The following FBXW4 variants were observed in gnomAD, a reference collection of about 807,000 sequenced individuals.
FBXW4 encodes F-box and WD repeat domain containing 4.
FBXW4 carries 40 observed loss-of-function variants against 61.8 expected under a neutral mutation model. That is an observed-to-expected ratio of 0.65 (90% CI 0.50 to 0.84). The LOEUF is 0.84. Ranked by LOEUF, FBXW4 falls within the 40% of genes least tolerant of loss-of-function variation. The probability of loss-of-function intolerance (pLI) is 0.00; values close to 1 mark genes in which losing one functional copy is unlikely to be tolerated. For synonymous variants in FBXW4, 311 were observed against 313.8 expected, an observed-to-expected ratio of 0.99 and a Z score of 0.10; for missense variants, 672 against 753.8, an observed-to-expected ratio of 0.89 and a Z score of 1.27.
Position 101,673,633 on chromosome 10 carries a change from T to C in FBXW4, c.862A>G (p.Ile288Val), listed in dbSNP as rs138269434. 8.1e-6 allele frequency: 13 copies of C among 1,614,004 alleles called. No individual in the cohort carries two copies. The African/African-American group carries it at 1.2e-4, about 15-fold the overall frequency. Residue 288 changes from isoleucine (I) to valine (V), a missense_variant, in exon 3 of 9, where the codon ATA becomes GTA. This residue lies in a region of FBXW4 where 312 missense variants were observed against 370.1 expected (regional missense o/e 0.84). Transcript: ENST00000331272. ...WMQLEDDSLY[I>V]SQANFILAYQ... ...GCCAGGATGAAATTAGCCTGGGATATGTACAGAGAATCATCCTCTAGCTGC... is the reference window on the plus strand; with the variant it reads ...GCCAGGATGAAATTAGCCTGGGATACGTACAGAGAATCATCCTCTAGCTGC...
intron 5 of FBXW4, among the ~76,000 whole-genome samples, chr10:101,662,359 A>G (rs1006866584): frequency 3.3e-5 from 5 of 152,170 alleles, no homozygotes; most frequent in African/African-American, 1.2e-4. Context: ...AAGAAGGGGC[A>G]GCTCCTCCAT....
Position 101,694,303 on chromosome 10 carries a change from C to A in FBXW4, c.725+78G>T. ...GGGTGCGACACGACCCTGGGCCGAC[C>A]AGGCCGCGGCGCCCCGCCCTTTCCC... is the stretch of plus-strand genomic sequence containing the variant. On this transcript the variant is annotated intron_variant, in intron 1 of 8. Transcript: ENST00000331272. This position sits in a 1 kb window ranked among gnomAD's most constrained non-coding sequence, Gnocchi z 6.0. The A allele has an allele frequency of 1.5e-6, 2 of 1,299,920 alleles. No individual in the cohort carries two copies. Among genetic ancestry groups the A allele is most frequent in the Non-Finnish European group, 2.0e-6 (2 of 1,017,554 alleles). The allele number at this position is 1,299,920 out of a possible 1,614,324, so 80.5% of individuals were successfully genotyped here. A position where few individuals can be genotyped will look rare whatever the true frequency, so the allele number is the denominator to read the frequency against.
intron 1 of FBXW4, among the ~76,000 whole-genome samples, chr10:101,679,698 G>A (rs181584778): frequency 6.6e-6 from 1 of 152,154 alleles, no homozygotes; most frequent in East Asian, 1.9e-4. Context: ...TCTCCTTTAT[G>A]CTTTTACATA....
At chr10:101,636,432 G>GA (rs1393587375) in intron 5 of FBXW4, among the ~76,000 whole-genome samples, 1 of 150,364 alleles carries the variant, frequency 6.7e-6, no homozygotes, top group Non-Finnish European at 1.5e-5. Flanking sequence ...GCAAATTAGA[G>GA]AAAAAACAAA....
At chr10:101,676,274 A>G (rs1337818981) in intron 2 of FBXW4, 67 bp downstream of exon 2, 7 of 1,388,222 alleles carry the variant, frequency 5.0e-6, no homozygotes, top group Non-Finnish European at 6.1e-6. Context: ...ATGTAGGACC[A>G]GATTTTTTAC....
At position 101,612,223 on chromosome 10, in the gene FBXW4, C is replaced by T. The variant is rs935571515; in HGVS notation, c.1442+114G>A. 8 of 1,234,980 alleles carry T rather than the reference C, an allele frequency of 6.5e-6. No homozygotes were observed. The African/African-American group carries it at 1.1e-4, about 17-fold the overall frequency. The allele number at this position is 1,234,980 out of a possible 1,614,324, so 76.5% of individuals were successfully genotyped here. ...GTGACCTTGCAGGCCTCTTCCTTCC[C>T]AGCCCTGACATGGAGTCTCTGTGCC... On this transcript the variant is annotated intron_variant, in intron 7 of 8. Coordinates refer to ENST00000331272, the MANE Select transcript of FBXW4 (RefSeq NM_022039.4).
chr10:101,694,575 C>T lies in FBXW4; in HGVS notation c.531G>A (p.Pro177=). 3.4e-6 allele frequency: 5 copies of T among 1,465,520 alleles called. No individual in the cohort carries two copies. Among genetic ancestry groups the T allele is most frequent in the Non-Finnish European group, 4.5e-6 (5 of 1,118,098 alleles). 90.8% of individuals were successfully genotyped at this position (1,465,520 alleles called of 1,614,324 possible). A position where few individuals can be genotyped will look rare whatever the true frequency, so the allele number is the denominator to read the frequency against. ...GGCGCCAGAGCGCAGGCCCCGCGGC[C>T]GGGCGGGCAGCCGACTCCCGAGCCG... is the stretch of plus-strand genomic sequence containing the variant. ...EEAARESAAR[P]AAGPALWRLP... Residue 177 remains proline, a synonymous_variant, in exon 1 of 9, where the codon CCG becomes CCA. Transcript: ENST00000331272. The surrounding 1 kb of genome is among the most constrained non-coding windows in gnomAD (Gnocchi z 6.0).
chr10:101,667,426 C>T (rs570095754), intron 5 of FBXW4, among the ~76,000 whole-genome samples: 3 of 152,144 alleles, frequency 2.0e-5, no homozygotes, highest in African/African-American at 7.2e-5. Flanking sequence ...GGGCCCCAAG[C>T]CTCTCCTGAT....
At chr10:101,637,880 C>A (rs1478467269) in intron 5 of FBXW4, among the ~76,000 whole-genome samples, 2 of 152,048 alleles carry the variant, frequency 1.3e-5, no homozygotes, top group Non-Finnish European at 2.9e-5. Flanking sequence ...ACCCCGTAAT[C>A]ACTATTTTAT....
chr10:101,674,299 A>C (rs575203543), intron 2 of FBXW4, among the ~76,000 whole-genome samples: 5 of 150,732 alleles, frequency 3.3e-5, no homozygotes, highest in Admixed American at 6.6e-5. Flanking sequence ...ACTGCACTCC[A>C]GCCTGGGCGA....
intron 1 of FBXW4, among the ~76,000 whole-genome samples, chr10:101,692,548 C>A (rs1267861120): frequency 6.6e-6 from 1 of 151,610 alleles, no homozygotes; most frequent in Non-Finnish European, 1.5e-5. Context: ...CTGAGGTCGG[C>A]AGTTCGAGAC....
chr10:101,691,304 G>C (rs539906025), intron 1 of FBXW4, among the ~76,000 whole-genome samples: 3 of 152,240 alleles, frequency 2.0e-5, no homozygotes, highest in Non-Finnish European at 4.4e-5. Context: ...GGCTTATTAA[G>C]TCTCTGCAGC....
chr10:101,666,341 G>A (rs940217893), intron 5 of FBXW4, among the ~76,000 whole-genome samples: 1 of 152,172 alleles, frequency 6.6e-6, no homozygotes, highest in African/African-American at 2.4e-5. Context: ...TCCGGGGTCA[G>A]CAATGTGTTT....
chr10:101,673,247 A>T (rs1372363638), intron 3 of FBXW4, among the ~76,000 whole-genome samples, 200 bp from the exon 4 acceptor site: 1 of 152,160 alleles, frequency 6.6e-6, no homozygotes, highest in Admixed American at 6.5e-5. Context: ...TGAGAGAAAA[A>T]ATATATTTTC....
chr10:101,678,489 G>A (rs1016949482), intron 1 of FBXW4, among the ~76,000 whole-genome samples: 6 of 152,176 alleles, frequency 3.9e-5, no homozygotes, highest in Non-Finnish European at 8.8e-5. Context: ...GCAGTGGCAC[G>A]ATCTCGGCTC....
intron 6 of FBXW4, among the ~76,000 whole-genome samples, chr10:101,621,194 C>T (rs1802507873): frequency 6.6e-6 from 1 of 152,160 alleles, no homozygotes; most frequent in Non-Finnish European, 1.5e-5. Flanking sequence ...TTCACCTCCG[C>T]CTCCACTAGT....
Position 101,650,335 on chromosome 10 carries a change from T to C in FBXW4, c.1235+17551A>G, listed in dbSNP as rs140435140. On this transcript the variant is annotated intron_variant, in intron 5 of 8. Transcript: ENST00000331272. ...CCCCAGACACTCTGCCTCTTTTCTG[T>C]CTGGTCTCTATTCTCTCCTGTCCCT... Among the ~76,000 whole-genome samples, 480 of 152,278 alleles carry C rather than the reference T, an allele frequency of 3.2e-3. 5 individuals are homozygous for C. Among genetic ancestry groups the C allele is most frequent in the African/African-American group, 0.011 (465 of 41,554 alleles).
intron 5 of FBXW4, among the ~76,000 whole-genome samples, chr10:101,650,255 T>C (rs562437832): frequency 6.2e-4 from 94 of 152,332 alleles, no homozygotes; most frequent in African/African-American, 2.1e-3. Context: ...CCCTAGTTCC[T>C]AGGGACATTC....
chr10:101,615,799 A>G (rs758881399), intron 6 of FBXW4, among the ~76,000 whole-genome samples: 1 of 152,156 alleles, frequency 6.6e-6, no homozygotes, highest in African/African-American at 2.4e-5. Flanking sequence ...ACAGGCCCTG[A>G]GTGCTAAGCT....
Sources: gnomAD v4.1 joint callset for allele counts (sites outside exome capture counted in the v4.1 genomes callset) on GRCh38, gnomAD v4.1.1 for gene constraint, gnomAD v4.1.1 regional missense constraint, Gnocchi (gnomAD v3.1) non-coding constraint, MANE v1.5 for transcripts, NCBI Gene and HGNC (gene_info 2026-07-23, HGNC 2026-07-21) for gene names.